Variants in TMEM132B observed in about 807,000 individuals in gnomAD.
TMEM132B encodes the protein transmembrane protein 132B.
In TMEM132B, 18 loss-of-function variants were observed where a neutral mutation model predicts 90.8. That is an observed-to-expected ratio of 0.20 (90% confidence interval 0.14 to 0.29). TMEM132B has a LOEUF of 0.29. Ranked by LOEUF, TMEM132B falls within the 10% of genes least tolerant of loss-of-function variation. The pLI, the probability that TMEM132B is intolerant of heterozygous loss-of-function variation, is 1.00. For synonymous variants in TMEM132B, 504 were observed against 523.3 expected (o/e 0.96, Z 0.50); for missense variants, 1,096 against 1,326.8 (o/e 0.83, Z 2.70).
intron 5 of TMEM132B, among the ~76,000 whole-genome samples, chr12:125,633,181 G>A (rs2137000539): frequency 1.3e-5 from 2 of 152,128 alleles, no homozygotes; most frequent in East Asian, 3.9e-4. Context: ...ATTCTTTCTT[G>A]AATCTCCTTG....
chr12:125,554,921 A>T (rs1197830976), intron 4 of TMEM132B, among the ~76,000 whole-genome samples: 1 of 152,066 alleles, frequency 6.6e-6, no homozygotes, highest in Non-Finnish European at 1.5e-5. Flanking sequence ...TCAGTTTTTC[A>T]GTGTGTGTCA....
intron 4 of TMEM132B, among the ~76,000 whole-genome samples, chr12:125,579,005 G>A (rs1291487081): frequency 6.6e-6 from 1 of 152,086 alleles, no homozygotes; most frequent in Non-Finnish European, 1.5e-5. Flanking sequence ...GGACACCTTT[G>A]CCATTAATTA....
intron 1 of TMEM132B, among the ~76,000 whole-genome samples, chr12:125,235,091 G>T (rs1483277565): frequency 6.6e-6 from 1 of 152,178 alleles, no homozygotes; most frequent in African/African-American, 2.4e-5. Context: ...AGGGAGCTGT[G>T]CTGCAGCTGC....
intron 1 of TMEM132B, among the ~76,000 whole-genome samples, chr12:125,212,276 T>C (rs779360398): frequency 6.6e-6 from 1 of 152,204 alleles, no homozygotes; most frequent in South Asian, 2.1e-4. Context: ...CTAGACCTAC[T>C]GAACCTCTAG....
intron 4 of TMEM132B, among the ~76,000 whole-genome samples, chr12:125,535,308 T>C (rs1207417751): frequency 6.6e-6 from 1 of 152,160 alleles, no homozygotes; most frequent in Admixed American, 6.5e-5. Context: ...CTCACTTTAA[T>C]GAGATCCTGA....
intron 5 of TMEM132B, among the ~76,000 whole-genome samples, chr12:125,605,303 T>G (rs1051214732): frequency 6.6e-6 from 1 of 152,244 alleles, no homozygotes; most frequent in Non-Finnish European, 1.5e-5. Context: ...ACACATTCCC[T>G]TGGTACTGAT....
At chr12:125,442,892 G>A (rs1880913701) in intron 3 of TMEM132B, among the ~76,000 whole-genome samples, 1 of 152,250 alleles carries the variant, frequency 6.6e-6, no homozygotes, top group Non-Finnish European at 1.5e-5. Flanking sequence ...GTGGTGGTCA[G>A]GGTTGCCCCT....
chr12:125,382,515 T>C (rs1878715752), intron 2 of TMEM132B, among the ~76,000 whole-genome samples: 1 of 152,144 alleles, frequency 6.6e-6, no homozygotes, highest in Admixed American at 6.5e-5. Flanking sequence ...TTCTGACTCT[T>C]TATGACCTTG....
chr12:125,440,123 G>T (rs1880826606), intron 3 of TMEM132B, among the ~76,000 whole-genome samples: 1 of 152,114 alleles, frequency 6.6e-6, no homozygotes, highest in East Asian at 1.9e-4. Flanking sequence ...ATATTGGCCT[G>T]AAGTTTTCTT....
At chr12:125,284,292 T>C (rs1198914554) in intron 1 of TMEM132B, among the ~76,000 whole-genome samples, 2 of 152,242 alleles carry the variant, frequency 1.3e-5, no homozygotes, top group Non-Finnish European at 2.9e-5. Flanking sequence ...CAGTGTTACA[T>C]GAATCTTTGC....
At chr12:125,630,701 C>T (rs2136994256) in intron 5 of TMEM132B, among the ~76,000 whole-genome samples, 1 of 152,082 alleles carries the variant, frequency 6.6e-6, no homozygotes, top group South Asian at 2.1e-4. Context: ...AGGTACTACG[C>T]CTAGTACCCA....
chr12:125,650,947 G>A lies in TMEM132B; in HGVS notation c.1908G>A (p.Thr636=), dbSNP rs774888715. The A allele has an allele frequency of 1.9e-5, 31 of 1,612,128 alleles. No individual in the cohort carries two copies. The highest frequency in any genetic ancestry group is 2.4e-5 in the Non-Finnish European group (28 of 1,179,902). ...CTGGTCGGGAGCCGGGAATAACCAC[G>A]GTGCAGGTACACGCCGCCATGCCTT... is the stretch of plus-strand genomic sequence containing the variant. ...TLAGREPGIT[T]VQVLSPLSDS... The change falls in exon 7 of 9, where the codon ACG becomes ACA. Residue 636 remains threonine (T), a synonymous_variant. Coordinates refer to ENST00000682704, the MANE Select transcript of TMEM132B (RefSeq NM_001366854.1).
intron 1 of TMEM132B, among the ~76,000 whole-genome samples, chr12:125,227,530 C>T (rs1873710486): frequency 6.6e-6 from 1 of 152,040 alleles, no homozygotes; most frequent in Non-Finnish European, 1.5e-5. Flanking sequence ...GTTGGAAATA[C>T]CTGCTGGGCA....
intron 3 of TMEM132B, among the ~76,000 whole-genome samples, chr12:125,503,602 C>G (rs1882753770): frequency 6.6e-6 from 1 of 152,182 alleles, no homozygotes; most frequent in South Asian, 2.1e-4. Context: ...CCTGTGTGAA[C>G]TCGATGTCCC....
intron 1 of TMEM132B, among the ~76,000 whole-genome samples, chr12:125,228,386 A>G (rs1873730256): frequency 2.0e-5 from 3 of 152,052 alleles, no homozygotes; most frequent in Admixed American, 1.3e-4. Context: ...TGATTAATGG[A>G]GAGTTGTGGA....
At chr12:125,573,936 C>G (rs2189792) in intron 4 of TMEM132B, among the ~76,000 whole-genome samples, 144,920 of 152,324 alleles carry the variant, frequency 0.95, 68,983 homozygotes, top group African/African-American at 0.98. Context: ...ACTCCAACTT[C>G]TTTTTAACCA....
chr12:125,190,467 AG>A (rs1213900046), intron 1 of TMEM132B, among the ~76,000 whole-genome samples: 4 of 60,760 alleles, frequency 6.6e-5, no homozygotes, highest in South Asian at 6.8e-4. Flanking sequence ...GGGATGGGAA[AG>A]GGGTGGTGGT....
intron 5 of TMEM132B, among the ~76,000 whole-genome samples, chr12:125,620,170 G>A (rs1221925670): frequency 6.6e-6 from 1 of 152,186 alleles, no homozygotes; most frequent in Non-Finnish European, 1.5e-5. Flanking sequence ...CTTCAAACAC[G>A]GCACATGTGC....
chr12:125,443,841 T>A (rs575735294), intron 3 of TMEM132B, among the ~76,000 whole-genome samples: 2 of 152,172 alleles, frequency 1.3e-5, no homozygotes, highest in East Asian at 3.8e-4. Flanking sequence ...ATTCTACTTG[T>A]TTTCTCTGGT....
Sources: gnomAD v4.1 joint callset for allele counts (sites outside exome capture counted in the v4.1 genomes callset) on GRCh38, gnomAD v4.1.1 for gene constraint, MANE v1.5 for transcripts, NCBI Gene and HGNC (gene_info 2026-07-23, HGNC 2026-07-21) for gene names.